CDH23: variants seen among roughly 807,000 people sequenced by gnomAD.
CDH23 encodes cadherin related 23, also known as cadherin-23.
In CDH23, 189 loss-of-function variants were observed where a neutral mutation model predicts 317.1. That is an observed-to-expected ratio of 0.60 (90% CI 0.53 to 0.67). CDH23 has a LOEUF of 0.67. Among genes scored for constraint, CDH23 ranks in the 30% least tolerant of loss-of-function variants. CDH23 has a pLI of 0.00. For missense variants in CDH23, 4,401 were observed against 4,592.4 expected (o/e 0.96, Z 1.20); for synonymous variants, 1,839 against 1,876.8 (o/e 0.98, Z 0.52).
intron 34 of CDH23, among the ~76,000 whole-genome samples, chr10:71,735,100 T>C (rs1839522275): frequency 6.6e-6 from 1 of 152,224 alleles, no homozygotes. Flanking sequence ...GAAAGCCCTT[T>C]GTAAGCCAGT....
intron 9 of CDH23, among the ~76,000 whole-genome samples, chr10:71,590,780 C>T (rs992659247): frequency 4.0e-5 from 6 of 148,722 alleles, no homozygotes; most frequent in Non-Finnish European, 7.4e-5. Context: ...ATGGGAGAAT[C>T]ACTTGAGCCC....
At chr10:71,794,383 C>T (rs1341978657) in intron 48 of CDH23, among the ~76,000 whole-genome samples, 1 of 152,226 alleles carries the variant, frequency 6.6e-6, no homozygotes, top group East Asian at 1.9e-4. Flanking sequence ...CATTTAAATC[C>T]TCTGCAAGTT....
intron 11 of CDH23, among the ~76,000 whole-genome samples, chr10:71,628,507 T>TG (rs1449474351): frequency 6.6e-6 from 1 of 152,092 alleles, no homozygotes; most frequent in African/African-American, 2.4e-5. Flanking sequence ...GTGAGATAAT[T>TG]TTTGTTTTTG....
chr10:71,563,308 G>A (rs889469775), intron 6 of CDH23, among the ~76,000 whole-genome samples: 1 of 152,116 alleles, frequency 6.6e-6, no homozygotes, highest in Non-Finnish European at 1.5e-5. Context: ...GCCATCCAGG[G>A]TGGTGTATGG....
intron 9 of CDH23, among the ~76,000 whole-genome samples, chr10:71,582,252 T>C (rs989625622): frequency 6.6e-6 from 1 of 152,232 alleles, no homozygotes; most frequent in Admixed American, 6.5e-5. Context: ...CCAGTGCATT[T>C]GCCCACAAGC....
chr10:71,782,457 G>T (rs1159339069), intron 41 of CDH23, among the ~76,000 whole-genome samples: 2 of 152,240 alleles, frequency 1.3e-5, no homozygotes, highest in South Asian at 4.1e-4. Flanking sequence ...CATGCCCAAG[G>T]GCACACAGGC....
chr10:71,614,450 G>A (rs1861073441), intron 9 of CDH23, among the ~76,000 whole-genome samples: 1 of 152,258 alleles, frequency 6.6e-6, no homozygotes, highest in African/African-American at 2.4e-5. Context: ...ATATAGGCAA[G>A]GTGGGGGCCC....
chr10:71,483,663 C>T (rs530694392), intron 3 of CDH23, among the ~76,000 whole-genome samples: 18 of 152,214 alleles, frequency 1.2e-4, no homozygotes, highest in Non-Finnish European at 2.4e-4. Flanking sequence ...AGGGCTGGTC[C>T]CTGGGCTCAG....
Position 71,599,713 on chromosome 10 carries a change from A to T in CDH23, c.833-15791A>T, listed in dbSNP as rs544546312. 4.6e-5 allele frequency among the ~76,000 whole-genome samples: 7 copies of T among 152,306 alleles called. No homozygotes were observed. The South Asian group carries it at 1.0e-3, about 23-fold the overall frequency. On this transcript the variant is annotated intron_variant, in intron 9 of 69. Transcript: ENST00000224721. ...AAAGCAGACCAGAGAGCCACATCTG[A>T]CCTGTGGCCTGGACAGGAGTCCAGA...
chr10:71,567,032 C>A, intron 7 of CDH23, 96 bp downstream of exon 7: 3 of 1,095,276 alleles, frequency 2.7e-6, no homozygotes, highest in Non-Finnish European at 2.7e-6. Flanking sequence ...GACCCAGTGG[C>A]ACACACTCGA....
chr10:71,646,624 C>T lies in CDH23; in HGVS notation c.1449+7C>T, dbSNP rs765119690. Reference sequence around the variant, plus strand: ...CTCTGTGCTGACAGTCCTGGTGAGTCCCCGCTTCACTGCAGGGCCACTGAG... The same window carrying T: ...CTCTGTGCTGACAGTCCTGGTGAGTTCCCGCTTCACTGCAGGGCCACTGAG... On this transcript the variant is annotated splice_region_variant and intron_variant, in intron 14 of 69. Coordinates refer to ENST00000224721, the MANE Select transcript of CDH23 (RefSeq NM_022124.6). The T allele has an allele frequency of 4.3e-6, 7 of 1,613,870 alleles. No homozygotes were observed. In the East Asian group the frequency reaches 1.3e-4, roughly 31 times the overall value.
rs1227052 is a variant in CDH23 at position 71,741,617 on chromosome 10, C to T, written c.4618-77C>T. 969,255 of 1,282,534 alleles carry T rather than the reference C, an allele frequency of 0.76. 368,283 individuals carry two copies. Among genetic ancestry groups the T allele is most frequent in the Non-Finnish European group, 0.77 (702,644 of 907,034 alleles). 79.4% of individuals were successfully genotyped at this position (1,282,534 alleles called of 1,614,324 possible). On this transcript the variant is annotated intron_variant, in intron 37 of 69. Coordinates refer to ENST00000224721, the MANE Select transcript of CDH23 (RefSeq NM_022124.6). ...TTTTGGGAGGTACAGGGGGAGCCTTCGGGCTACAGGAGCAGGTGCCAGACT... is the reference window on the plus strand; with the variant it reads ...TTTTGGGAGGTACAGGGGGAGCCTTTGGGCTACAGGAGCAGGTGCCAGACT...
intron 46 of CDH23, chr10:71,790,802 G>A (rs899390098): frequency 4.2e-6 from 2 of 470,656 alleles, no homozygotes; most frequent in Non-Finnish European, 7.8e-6. Context: ...ACAGGAGGCC[G>A]CTTTGGTGAC....
chr10:71,524,647 G>T (rs991202342), intron 6 of CDH23, among the ~76,000 whole-genome samples: 2 of 152,142 alleles, frequency 1.3e-5, no homozygotes, highest in African/African-American at 4.8e-5. Flanking sequence ...GGGATTTTGC[G>T]GTTAAGGACC....
At chr10:71,744,201 A>C (rs1271976530) in intron 38 of CDH23, among the ~76,000 whole-genome samples, 2 of 152,148 alleles carry the variant, frequency 1.3e-5, no homozygotes, top group Non-Finnish European at 2.9e-5. Flanking sequence ...GTGAGGAAGA[A>C]GTGGAGAATG....
intron 3 of CDH23, among the ~76,000 whole-genome samples, chr10:71,467,627 T>G (rs1851316545): frequency 6.6e-6 from 1 of 152,166 alleles, no homozygotes; most frequent in Admixed American, 6.5e-5. Context: ...CGCCACCACC[T>G]GTGTGCCTTT....
At chr10:71,732,711 G>A in intron 32 of CDH23, 2 of 1,257,916 alleles carry the variant, frequency 1.6e-6, no homozygotes, top group Non-Finnish European at 2.0e-6. Flanking sequence ...GTAAGATAAA[G>A]TTTATACCTA....
chr10:71,488,332 G>A (rs1235635075), intron 3 of CDH23, among the ~76,000 whole-genome samples: 1 of 152,186 alleles, frequency 6.6e-6, no homozygotes, highest in African/African-American at 2.4e-5. Context: ...CGTAAATTTG[G>A]GTACAGCTCC....
chr10:71,585,395 G>A (rs887690964), intron 9 of CDH23, among the ~76,000 whole-genome samples: 2 of 152,144 alleles, frequency 1.3e-5, no homozygotes, highest in Admixed American at 6.5e-5. Flanking sequence ...GCACAAGGAT[G>A]GGCCTCCAAG....
Sources: allele counts gnomAD v4.1 joint callset (sites outside exome capture counted in the v4.1 genomes callset), GRCh38; gene constraint gnomAD v4.1.1; transcripts MANE v1.5; gene names NCBI Gene and HGNC (gene_info 2026-07-23, HGNC 2026-07-21).